The following PDGFRL variants were observed in gnomAD, a reference collection of about 807,000 sequenced individuals.
The protein encoded by PDGFRL is platelet-derived growth factor receptor-like protein.
Under a neutral mutation model 37.2 loss-of-function variants are expected in PDGFRL, and 46 were observed. The observed-to-expected ratio is 1.24, with a 90% CI of 0.98 to 1.58. The LOEUF is 1.58. Ranked by LOEUF, PDGFRL falls within the 40% of genes most tolerant of loss-of-function variation. PDGFRL has a pLI of 0.00. For synonymous variants in PDGFRL, 251 were observed against 184.3 expected, an observed-to-expected ratio of 1.36 and a Z score of -2.93; for missense variants, 692 against 467.6, an observed-to-expected ratio of 1.48 and a Z score of -4.43.
intron 5 of PDGFRL, among the ~76,000 whole-genome samples, chr8:17,635,189 G>A (rs921318689): frequency 2.0e-5 from 3 of 152,056 alleles, no homozygotes; most frequent in Admixed American, 6.5e-5. Context: ...TGTGTGTTAC[G>A]TGAATAAGTT....
intron 2 of PDGFRL, among the ~76,000 whole-genome samples, chr8:17,611,096 A>G (rs17632963): frequency 0.18 from 26,790 of 152,138 alleles, 2,486 homozygotes; most frequent in South Asian, 0.33. Context: ...AGGCATGCCA[A>G]ACTCTCTTTT....
At chr8:17,616,383 T>C (rs1410624560) in intron 2 of PDGFRL, among the ~76,000 whole-genome samples, 2 of 151,942 alleles carry the variant, frequency 1.3e-5, no homozygotes, top group Non-Finnish European at 1.5e-5. Flanking sequence ...TCAATAGAGA[T>C]GCGGTTTCAC....
At position 17,596,437 on chromosome 8, in the gene PDGFRL, A is replaced by G. The variant is rs1051264581; in HGVS notation, c.353+6672A>G. 6.1e-5 allele frequency: 32 copies of G among 523,296 alleles called. 1 individual carries two copies. The highest frequency in any genetic ancestry group is 4.6e-4 in the African/African-American group (23 of 50,460). The allele number at this position is 523,296 out of a possible 1,614,324, so 32.4% of individuals were successfully genotyped here. A position where few individuals can be genotyped will look rare whatever the true frequency, so the allele number is the denominator to read the frequency against. On this transcript the variant is annotated intron_variant, in intron 2 of 5. Coordinates refer to ENST00000251630, the MANE Select transcript of PDGFRL (RefSeq NM_001372073.1). ...CCAAAGTCAGATTCATGCACTTTTT[A>G]TAAAAAAACAGAATTGATATAATTT...
chr8:17,592,462 C>T (rs143536564), intron 2 of PDGFRL, among the ~76,000 whole-genome samples: 3 of 152,162 alleles, frequency 2.0e-5, no homozygotes, highest in Non-Finnish European at 4.4e-5. Flanking sequence ...GCTCACCACT[C>T]GGTGGATGCC....
chr8:17,585,570 C>G (rs899964497), intron 1 of PDGFRL, among the ~76,000 whole-genome samples: 1 of 152,120 alleles, frequency 6.6e-6, no homozygotes, highest in Non-Finnish European at 1.5e-5. Context: ...TGGCATCTCT[C>G]AGTGTATATA....
intron 2 of PDGFRL, among the ~76,000 whole-genome samples, chr8:17,598,222 G>A (rs918897971): frequency 3.7e-4 from 57 of 152,298 alleles, no homozygotes; most frequent in Non-Finnish European, 4.4e-4. Flanking sequence ...TGAATCTTCC[G>A]TTTATTACTA....
intron 2 of PDGFRL, among the ~76,000 whole-genome samples, chr8:17,596,760 G>GGA (rs1554550385): frequency 1.3e-5 from 2 of 152,168 alleles, no homozygotes; most frequent in African/African-American, 4.8e-5. Flanking sequence ...GAAACATTGT[G>GGA]AAAAAATGTG....
chr8:17,582,775 A>G (rs1342484209), intron 1 of PDGFRL, among the ~76,000 whole-genome samples: 1 of 152,160 alleles, frequency 6.6e-6, no homozygotes, highest in Non-Finnish European at 1.5e-5. Flanking sequence ...TGCTTGAATC[A>G]TGCTAGTAGC....
intron 2 of PDGFRL, among the ~76,000 whole-genome samples, chr8:17,607,382 T>C (rs1281615919): frequency 6.6e-6 from 1 of 152,160 alleles, no homozygotes; most frequent in East Asian, 1.9e-4. Context: ...AAATAATGTT[T>C]CTACCTACAC....
At chr8:17,637,507 C>T (rs1366936666) in intron 5 of PDGFRL, among the ~76,000 whole-genome samples, 1 of 152,176 alleles carries the variant, frequency 6.6e-6, no homozygotes, top group African/African-American at 2.4e-5. Context: ...CTATATTCAT[C>T]AAACATGTTG....
intron 5 of PDGFRL, among the ~76,000 whole-genome samples, chr8:17,636,550 C>T (rs1042702521): frequency 3.0e-4 from 26 of 85,774 alleles, no homozygotes; most frequent in African/African-American, 1.3e-3. Flanking sequence ...AATGGGATGC[C>T]TCTAGATTTG....
chr8:17,606,882 TTTTG>T lies in PDGFRL; in HGVS notation c.354-14165_354-14162del, dbSNP rs1030083819. 2.0e-4 allele frequency among the ~76,000 whole-genome samples: 9 copies of T among 45,082 alleles called. 1 individual carries two copies. Among genetic ancestry groups the T allele is most frequent in the African/African-American group, 3.8e-4 (5 of 13,042 alleles). The allele number at this position is 45,082 out of a possible 152,430, so 29.6% of individuals were successfully genotyped here. A position where few individuals can be genotyped will look rare whatever the true frequency, so the allele number is the denominator to read the frequency against. On this transcript the variant is annotated intron_variant, in intron 2 of 5. Coordinates refer to ENST00000251630, the MANE Select transcript of PDGFRL (RefSeq NM_001372073.1). ...CATAAGAAACAGCCAGTTTTTCGTT[TTTTG>T]TTTTTTTGTTTTTTTTTTTTTTTTT...
At chr8:17,589,912 A>G (rs984106447) in intron 2 of PDGFRL, 147 bp downstream of exon 2, 5 of 608,898 alleles carry the variant, frequency 8.2e-6, no homozygotes, top group Non-Finnish European at 1.4e-5. Flanking sequence ...GGCAAAAGTC[A>G]CAGATTTTAT....
intron 2 of PDGFRL, among the ~76,000 whole-genome samples, chr8:17,601,221 C>G (rs1180616974): frequency 1.3e-5 from 2 of 152,334 alleles, no homozygotes; most frequent in African/African-American, 4.8e-5. Flanking sequence ...TAGTCTCTAA[C>G]CTTAGAGGGT....
At chr8:17,581,293 A>G (rs1170224166) in intron 1 of PDGFRL, among the ~76,000 whole-genome samples, 1 of 152,194 alleles carries the variant, frequency 6.6e-6, no homozygotes, top group East Asian at 1.9e-4. Context: ...AATAGCTTCA[A>G]GATGGGCTTG....
intron 2 of PDGFRL, among the ~76,000 whole-genome samples, chr8:17,603,816 A>G (rs994925220): frequency 6.6e-6 from 1 of 152,174 alleles, no homozygotes; most frequent in African/African-American, 2.4e-5. Context: ...TAACCGAAGT[A>G]TGCTGTCAAG....
intron 2 of PDGFRL, among the ~76,000 whole-genome samples, chr8:17,609,955 C>T (rs1318859103): frequency 6.6e-6 from 1 of 152,136 alleles, no homozygotes; most frequent in African/African-American, 2.4e-5. Context: ...GAGCGATTAC[C>T]TTGAAAACGT....
At chr8:17,629,013 G>C (rs1029676594) in intron 4 of PDGFRL, among the ~76,000 whole-genome samples, 1 of 151,788 alleles carries the variant, frequency 6.6e-6, no homozygotes, top group African/African-American at 2.4e-5. Flanking sequence ...AAAGCCCTGG[G>C]CTCAAGCAAC....
At chr8:17,620,478 T>C (rs185803980) in intron 2 of PDGFRL, among the ~76,000 whole-genome samples, 2 of 152,330 alleles carry the variant, frequency 1.3e-5, no homozygotes, top group East Asian at 3.9e-4. Context: ...AGTTTTCCCA[T>C]TATTAATTTC....
Sources: allele counts gnomAD v4.1 joint callset (sites outside exome capture counted in the v4.1 genomes callset), GRCh38; gene constraint gnomAD v4.1.1; transcripts MANE v1.5; gene names NCBI Gene and HGNC (gene_info 2026-07-23, HGNC 2026-07-21).